PPM1L: variants seen among roughly 807,000 people sequenced by gnomAD.
The protein encoded by PPM1L is protein phosphatase, Mg2+/Mn2+ dependent 1L.
In PPM1L, 13 loss-of-function variants were observed where a neutral mutation model predicts 31.4. The ratio of observed to expected loss-of-function variants is 0.41; its 90% CI spans 0.27 to 0.66. PPM1L has a LOEUF of 0.66. Among genes scored for constraint, PPM1L ranks in the 30% least tolerant of loss-of-function variants. The pLI, the probability that PPM1L is intolerant of heterozygous loss-of-function variation, is 0.29. For missense variants in PPM1L, 326 were observed against 453.7 expected (o/e 0.72, Z 2.56); for synonymous variants, 184 against 175.4 (o/e 1.05, Z -0.39).
intron 2 of PPM1L, among the ~76,000 whole-genome samples, chr3:160,990,959 A>G (rs748625120): frequency 5.9e-5 from 9 of 152,044 alleles, no homozygotes; most frequent in Non-Finnish European, 1.2e-4. Flanking sequence ...GAACATCCTC[A>G]TTCAGGATCA....
intron 1 of PPM1L, among the ~76,000 whole-genome samples, chr3:160,789,817 T>A (rs1403899052): frequency 6.6e-6 from 1 of 152,066 alleles, no homozygotes; most frequent in Admixed American, 6.6e-5. Context: ...CATGATCATG[T>A]GTGTATAGTC....
chr3:160,924,625 A>G (rs1714525062), intron 1 of PPM1L, among the ~76,000 whole-genome samples: 1 of 152,214 alleles, frequency 6.6e-6, no homozygotes, highest in Non-Finnish European at 1.5e-5. Flanking sequence ...CAGCATCCTT[A>G]GTATAGTTGG....
chr3:160,954,792 A>G (rs1012164928), intron 1 of PPM1L, among the ~76,000 whole-genome samples: 1 of 151,970 alleles, frequency 6.6e-6, no homozygotes, highest in Admixed American at 6.6e-5. Context: ...ATTAAGTCCC[A>G]TTTGTCTATA....
At chr3:160,923,479 T>C (rs1218743878) in intron 1 of PPM1L, among the ~76,000 whole-genome samples, 1 of 152,246 alleles carries the variant, frequency 6.6e-6, no homozygotes, top group Non-Finnish European at 1.5e-5. Flanking sequence ...GGCCTTATTT[T>C]AGCAAGTTTT....
At chr3:160,803,364 T>C (rs1449746495) in intron 1 of PPM1L, among the ~76,000 whole-genome samples, 1 of 152,154 alleles carries the variant, frequency 6.6e-6, no homozygotes, top group Non-Finnish European at 1.5e-5. Flanking sequence ...TGTCATATTT[T>C]AGAGAGATCA....
At chr3:160,934,428 A>T (rs1025518734) in intron 1 of PPM1L, among the ~76,000 whole-genome samples, 23 of 152,184 alleles carry the variant, frequency 1.5e-4, no homozygotes, top group African/African-American at 5.6e-4. Context: ...CATTATTCCC[A>T]TCCAACATTA....
At chr3:160,923,890 A>G (rs1377234306) in intron 1 of PPM1L, among the ~76,000 whole-genome samples, 1 of 152,128 alleles carries the variant, frequency 6.6e-6, no homozygotes, top group Non-Finnish European at 1.5e-5. Context: ...CCTTCACAAA[A>G]TGTTTTTTAT....
chr3:160,912,288 A>C (rs1466881094), intron 1 of PPM1L, among the ~76,000 whole-genome samples: 2 of 152,210 alleles, frequency 1.3e-5, no homozygotes, highest in East Asian at 3.8e-4. Flanking sequence ...TCTCTGAGCA[A>C]ATCCATGCCT....
intron 2 of PPM1L, among the ~76,000 whole-genome samples, chr3:161,004,933 A>C (rs1372794029): frequency 6.6e-6 from 1 of 152,072 alleles, no homozygotes; most frequent in Non-Finnish European, 1.5e-5. Flanking sequence ...TTGTGATGTT[A>C]GGGTGTCAAT....
chr3:160,805,651 G>A (rs1230394038), intron 1 of PPM1L, among the ~76,000 whole-genome samples: 2 of 152,292 alleles, frequency 1.3e-5, no homozygotes, highest in East Asian at 3.9e-4. Flanking sequence ...GAACCCAGGA[G>A]ACGGAGGTTG....
intron 2 of PPM1L, among the ~76,000 whole-genome samples, chr3:161,003,315 A>T (rs80294021): frequency 6.8e-6 from 1 of 145,986 alleles, no homozygotes; most frequent in Admixed American, 6.8e-5. Flanking sequence ...TTGACTTGGC[A>T]ATGTGGGCTC....
chr3:160,830,295 A>G (rs1407011655), intron 1 of PPM1L, among the ~76,000 whole-genome samples: 2 of 152,186 alleles, frequency 1.3e-5, no homozygotes, highest in Non-Finnish European at 2.9e-5. Flanking sequence ...TTACCAAGGA[A>G]GGGTTGACCC....
chr3:160,786,123 A>C (rs1237502712), intron 1 of PPM1L, among the ~76,000 whole-genome samples: 1 of 56,198 alleles, frequency 1.8e-5, no homozygotes, highest in African/African-American at 7.3e-5. Flanking sequence ...ATGGAATCTC[A>C]TTTTTCTCTC....
At chr3:160,897,661 T>G (rs189372781) in intron 1 of PPM1L, among the ~76,000 whole-genome samples, 1 of 152,350 alleles carries the variant, frequency 6.6e-6, no homozygotes, top group East Asian at 1.9e-4. Flanking sequence ...GATTAGGTGA[T>G]CTCAAAGATA....
chr3:160,861,946 G>A lies in PPM1L; in HGVS notation c.400-99790G>A, dbSNP rs79270908. The stretch of plus-strand genomic sequence containing the variant: ...CTGCTTCTTTCTCATAAAGACCTCT[G>A]TGCCCACCTAATACATTGGGACCAC... On this transcript the variant is annotated intron_variant, in intron 1 of 3. Coordinates refer to ENST00000498165, the MANE Select transcript of PPM1L (RefSeq NM_139245.4). 2.1e-3 allele frequency among the ~76,000 whole-genome samples: 327 copies of A among 152,170 alleles called. 2 individuals are homozygous for A. Among genetic ancestry groups the A allele is most frequent in the Middle Eastern group, 0.01 (3 of 294 alleles).
At chr3:160,975,350 A>T (rs1243087512) in intron 2 of PPM1L, among the ~76,000 whole-genome samples, 3 of 152,106 alleles carry the variant, frequency 2.0e-5, no homozygotes, top group Admixed American at 2.0e-4. Flanking sequence ...TGACTTGGCG[A>T]TGCGGGCTCT....
At chr3:160,926,533 G>A (rs545204472) in intron 1 of PPM1L, among the ~76,000 whole-genome samples, 8 of 152,194 alleles carry the variant, frequency 5.3e-5, no homozygotes, top group Non-Finnish European at 1.2e-4. Context: ...GGACTTCTTA[G>A]AACCTCCCCC....
At chr3:160,915,396 A>G (rs1714133676) in intron 1 of PPM1L, among the ~76,000 whole-genome samples, 1 of 152,170 alleles carries the variant, frequency 6.6e-6, no homozygotes, top group Non-Finnish European at 1.5e-5. Flanking sequence ...CCACTGCTCA[A>G]TGAGATAAAA....
intron 2 of PPM1L, among the ~76,000 whole-genome samples, chr3:160,967,228 C>G (rs1716179910): frequency 6.6e-6 from 1 of 152,006 alleles, no homozygotes; most frequent in African/African-American, 2.4e-5. Context: ...GTGAGGCCTC[C>G]TCAGCCATGT....
Sources: gnomAD v4.1 joint callset for allele counts (sites outside exome capture counted in the v4.1 genomes callset) on GRCh38, gnomAD v4.1.1 for gene constraint, MANE v1.5 for transcripts, NCBI Gene and HGNC (gene_info 2026-07-23, HGNC 2026-07-21) for gene names.